OLFM3: variants seen among roughly 807,000 people sequenced by gnomAD.
OLFM3 encodes the protein olfactomedin 3.
In OLFM3, 20 loss-of-function variants were observed where a neutral mutation model predicts 48.6. The observed-to-expected ratio is 0.41, with a 90% confidence interval of 0.29 to 0.60. The LOEUF is 0.60. Among genes scored for constraint, OLFM3 ranks in the 20% least tolerant of loss-of-function variants. The probability of loss-of-function intolerance (pLI) is 0.28; values close to 1 mark genes in which losing one functional copy is unlikely to be tolerated. For missense variants in OLFM3, 437 were observed against 544.3 expected, an observed-to-expected ratio of 0.80 and a Z score of 1.96; for synonymous variants, 222 against 198.1, an observed-to-expected ratio of 1.12 and a Z score of -1.01.
At chr1:101,952,102 G>C (rs554816020) in intron 1 of OLFM3, among the ~76,000 whole-genome samples, 1 of 151,986 alleles carries the variant, frequency 6.6e-6, no homozygotes, top group Admixed American at 6.6e-5. Context: ...TTTATTAACT[G>C]TACCCTGGCT....
chr1:101,917,833 G>A (rs1377414182), intron 1 of OLFM3, among the ~76,000 whole-genome samples: 2 of 152,026 alleles, frequency 1.3e-5, no homozygotes, highest in East Asian at 1.9e-4. Flanking sequence ...TGCAATCATA[G>A]TACAAACTTG....
chr1:101,932,656 T>A (rs1317876972), intron 1 of OLFM3, among the ~76,000 whole-genome samples: 1 of 151,708 alleles, frequency 6.6e-6, no homozygotes, highest in Non-Finnish European at 1.5e-5. Flanking sequence ...ACAAAAAACA[T>A]GGAAAGAATA....
intron 1 of OLFM3, among the ~76,000 whole-genome samples, chr1:101,870,562 C>G (rs1295556935): frequency 6.6e-6 from 1 of 152,132 alleles, no homozygotes; most frequent in Non-Finnish European, 1.5e-5. Flanking sequence ...TCATACATCC[C>G]AATTGCTACG....
At chr1:101,994,628 C>A (rs1661508037) in intron 1 of OLFM3, among the ~76,000 whole-genome samples, 1 of 149,082 alleles carries the variant, frequency 6.7e-6, no homozygotes, top group African/African-American at 2.4e-5. Flanking sequence ...AATATTAATA[C>A]AAAAGTAGCT....
intron 1 of OLFM3, among the ~76,000 whole-genome samples, chr1:101,977,718 T>A (rs1660992998): frequency 1.3e-5 from 2 of 152,126 alleles, no homozygotes; most frequent in South Asian, 4.1e-4. Flanking sequence ...TATTTTTTTT[T>A]AATAATTGTG....
At chr1:101,907,400 G>A (rs1019790594) in intron 1 of OLFM3, among the ~76,000 whole-genome samples, 1 of 152,150 alleles carries the variant, frequency 6.6e-6, no homozygotes, top group Non-Finnish European at 1.5e-5. Context: ...TGGGATACTG[G>A]TTTCAAAACT....
intron 1 of OLFM3, among the ~76,000 whole-genome samples, chr1:101,912,684 T>C (rs1345083932): frequency 6.6e-6 from 1 of 152,186 alleles, no homozygotes; most frequent in Admixed American, 6.5e-5. Context: ...CGTCTTCCAA[T>C]TTGGAATGAT....
At chr1:101,943,501 A>G (rs1393771189) in intron 1 of OLFM3, among the ~76,000 whole-genome samples, 1 of 152,230 alleles carries the variant, frequency 6.6e-6, no homozygotes, top group Non-Finnish European at 1.5e-5. Context: ...CAATAACTTC[A>G]GGTACCTCCT....
chr1:101,969,614 C>A (rs1396671281), intron 1 of OLFM3, among the ~76,000 whole-genome samples: 1 of 152,166 alleles, frequency 6.6e-6, no homozygotes, highest in African/African-American at 2.4e-5. Flanking sequence ...TAATATGTAA[C>A]CAACTCCAAC....
At chr1:101,958,093 T>G (rs182269660) in intron 1 of OLFM3, among the ~76,000 whole-genome samples, 123 of 152,202 alleles carry the variant, frequency 8.1e-4, no homozygotes, top group Admixed American at 4.5e-3. Context: ...TGTCTCTAAT[T>G]ACTGAGCCTG....
At chr1:101,875,260 T>C (rs913099989) in intron 1 of OLFM3, among the ~76,000 whole-genome samples, 4 of 152,036 alleles carry the variant, frequency 2.6e-5, no homozygotes, top group African/African-American at 9.7e-5. Flanking sequence ...TTTTATATGA[T>C]ACTGTGATGG....
intron 4 of OLFM3, chr1:101,813,057 A>C: frequency 3.2e-6 from 4 of 1,264,030 alleles, no homozygotes; most frequent in African/African-American, 1.5e-5. Flanking sequence ...CAGGGAGGCA[A>C]GTCGCGTGTT....
intron 1 of OLFM3, among the ~76,000 whole-genome samples, chr1:101,955,127 T>G (rs529208815): frequency 1.3e-5 from 2 of 152,118 alleles, no homozygotes; most frequent in East Asian, 3.9e-4. Context: ...AGATAGAATG[T>G]TAAACTGTTT....
intron 2 of OLFM3, among the ~76,000 whole-genome samples, chr1:101,831,228 T>C (rs1197682545): frequency 6.6e-6 from 1 of 152,210 alleles, no homozygotes; most frequent in Non-Finnish European, 1.5e-5. Context: ...TGTTTAGCAA[T>C]TGTGGATGGT....
intron 1 of OLFM3, among the ~76,000 whole-genome samples, chr1:101,908,916 C>A (rs1278713367): frequency 6.6e-6 from 1 of 152,182 alleles, no homozygotes; most frequent in African/African-American, 2.4e-5. Flanking sequence ...CCCTGGATTG[C>A]AGACTTTTGG....
intron 1 of OLFM3, chr1:101,910,095 T>C (rs925091827): frequency 1.3e-5 from 13 of 985,428 alleles, no homozygotes; most frequent in Non-Finnish European, 1.6e-5. Context: ...ATCCCTTGTC[T>C]CAGAGAAGCT....
chr1:101,996,913 A>C lies in OLFM3; in HGVS notation c.-97T>G. The C allele has an allele frequency of 7.6e-7, 1 of 1,315,398 alleles. No individual in the cohort carries two copies. Among genetic ancestry groups the C allele is most frequent in the Non-Finnish European group, 1.1e-6 (1 of 919,528 alleles). The allele number at this position is 1,315,398 out of a possible 1,614,324, so 81.5% of individuals were successfully genotyped here. ...TCGTCAGTTGCACTTTCTGCCTGCC[A>C]GTCAGAGCCGAGTGGAAGCAGAGGC... is the stretch of plus-strand genomic sequence containing the variant. On this transcript the variant is annotated 5_prime_UTR_variant, in exon 1 of 6. Coordinates refer to ENST00000370103, the MANE Select transcript of OLFM3 (RefSeq NM_058170.4).
chr1:101,965,588 G>C (rs550334557), intron 1 of OLFM3, among the ~76,000 whole-genome samples: 1 of 152,106 alleles, frequency 6.6e-6, no homozygotes, highest in African/African-American at 2.4e-5. Context: ...GAGTCACTGG[G>C]TATCAAACCA....
At chr1:101,975,988 C>T (rs1660942323) in intron 1 of OLFM3, among the ~76,000 whole-genome samples, 1 of 152,052 alleles carries the variant, frequency 6.6e-6, no homozygotes, top group Non-Finnish European at 1.5e-5. Flanking sequence ...TTAACAAAAG[C>T]CTAGCTATAC....
Sources: gnomAD v4.1 joint callset for allele counts (sites outside exome capture counted in the v4.1 genomes callset) on GRCh38, gnomAD v4.1.1 for gene constraint, MANE v1.5 for transcripts, NCBI Gene and HGNC (gene_info 2026-07-23, HGNC 2026-07-21) for gene names.